ATP6V0A1: variants seen among roughly 807,000 people sequenced by gnomAD.
ATP6V0A1 encodes ATPase H+ transporting V0 subunit a1.
In ATP6V0A1, 43 loss-of-function variants were observed where a neutral mutation model predicts 105.4. The ratio of observed to expected loss-of-function variants is 0.41; its 90% CI spans 0.32 to 0.53. ATP6V0A1 has a LOEUF of 0.53. Ranked by LOEUF, ATP6V0A1 falls within the 20% of genes least tolerant of loss-of-function variation. The probability of loss-of-function intolerance (pLI) is 0.30; values close to 1 mark genes in which losing one functional copy is unlikely to be tolerated. For missense variants in ATP6V0A1, 676 were observed against 1,051.1 expected (o/e 0.64, Z 4.93); for synonymous variants, 362 against 372.8 (o/e 0.97, Z 0.33).
In ATP6V0A1 at chr17:42,521,149, T is replaced by C. The variant is rs369245405; in HGVS notation, c.*29T>C. The C allele has an allele frequency of 6.4e-7, 1 of 1,559,420 alleles. No individual in the cohort carries two copies. The highest frequency in any genetic ancestry group is 1.2e-5 in the South Asian group (1 of 85,820). ...CCTGTGAGGGCCGTGTGCCCCATGC[T>C]ACCCTCCCCGCCTCCCTCCACAGTG... is the stretch of plus-strand genomic sequence containing the variant. On this transcript the variant is annotated 3_prime_UTR_variant, in exon 22 of 22. Transcript: ENST00000343619. The surrounding 1 kb of genome is among the most constrained non-coding windows in gnomAD (Gnocchi z 4.8).
chr17:42,493,832 C>T (rs934457495), intron 11 of ATP6V0A1, among the ~76,000 whole-genome samples: 3 of 152,080 alleles, frequency 2.0e-5, no homozygotes, highest in Admixed American at 6.6e-5. Flanking sequence ...AAAAAGTTAT[C>T]AGTAGCTCAA....
chr17:42,497,939 A>G (rs1319845295), intron 14 of ATP6V0A1, among the ~76,000 whole-genome samples: 1 of 148,916 alleles, frequency 6.7e-6, no homozygotes, highest in Non-Finnish European at 1.5e-5. Context: ...CTCAAAAAAA[A>G]AAGAAAAAAA....
At chr17:42,490,770 C>A in intron 11 of ATP6V0A1, 133 bp downstream of exon 11, 1 of 939,078 alleles carries the variant, frequency 1.1e-6, no homozygotes, top group Non-Finnish European at 1.6e-6. Context: ...TTCACTGCAG[C>A]CTCAAACTCC....
Position 42,492,518 on chromosome 17 carries a change from C to A in ATP6V0A1, c.1175-1816C>A, listed in dbSNP as rs549370252. Among the ~76,000 whole-genome samples the A allele has an allele frequency of 2.0e-5, 3 of 150,976 alleles. No homozygotes were observed. In the East Asian group the frequency reaches 5.9e-4, roughly 29 times the overall value. ...GGTCAGGAGTTCGAGACCAGCCTGA[C>A]CAACATGGAGAAACCCCGTCTCTAC... On this transcript the variant is annotated intron_variant, in intron 11 of 21. Coordinates refer to ENST00000343619, the MANE Select transcript of ATP6V0A1 (RefSeq NM_001130021.3).
At chr17:42,520,351 C>T (rs2092789411) in intron 21 of ATP6V0A1, 1 of 442,838 alleles carries the variant, frequency 2.3e-6, no homozygotes, top group Non-Finnish European at 4.6e-6. Flanking sequence ...CTCCCACCCT[C>T]CCTGAGAGTG....
rs181328997 is a variant in ATP6V0A1, at chr17:42,507,514, G to C, written c.2005-6G>C. On this transcript the variant is annotated splice_polypyrimidine_tract_variant and splice_region_variant and intron_variant, in intron 17 of 21. Coordinates refer to ENST00000343619, the MANE Select transcript of ATP6V0A1 (RefSeq NM_001130021.3). Reference sequence around the variant, plus strand: ...CAAATTCTACTCTTTCTGTTCATCTGTGTAGGGAACTCTCAACTTTGGTGG... The same window carrying C: ...CAAATTCTACTCTTTCTGTTCATCTCTGTAGGGAACTCTCAACTTTGGTGG... 3 of 1,605,538 alleles carry C rather than the reference G, an allele frequency of 1.9e-6. No homozygotes were observed. In the Admixed American group the frequency reaches 5.0e-5, roughly 27 times the overall value.
chr17:42,494,727 G>A, intron 12 of ATP6V0A1: 1 of 491,912 alleles, frequency 2.0e-6, no homozygotes, highest in Non-Finnish European at 3.5e-6. Context: ...AGGCAACATA[G>A]TGAGACCCCA....
intron 19 of ATP6V0A1, 61 bp downstream of exon 19, chr17:42,508,650 G>A (rs2092173411): frequency 6.2e-7 from 1 of 1,607,784 alleles, no homozygotes; most frequent in Non-Finnish European, 8.5e-7. Flanking sequence ...CCATCCTTGT[G>A]ATCACTCTGC....
intron 12 of ATP6V0A1, 84 bp downstream of exon 12, chr17:42,494,557 T>C: frequency 2.1e-6 from 3 of 1,454,748 alleles, no homozygotes; most frequent in Admixed American, 4.3e-5. Flanking sequence ...CTGGAAGTCT[T>C]TTATCCATGA....
In ATP6V0A1 at chr17:42,507,905, T is replaced by C. The variant is rs1366024190; in HGVS notation, c.2112+278T>C. ...CACGCAGGTCTCCATTACTGACTGC[T>C]CTCTCACCTGAGGCAGAGCAGGCCT... On this transcript the variant is annotated intron_variant, in intron 18 of 21. Coordinates refer to ENST00000343619, the MANE Select transcript of ATP6V0A1 (RefSeq NM_001130021.3). Among the ~76,000 whole-genome samples, 5 of 152,246 alleles carry C rather than the reference T, an allele frequency of 3.3e-5. No homozygotes were observed. In the South Asian group the frequency reaches 6.2e-4, roughly 19 times the overall value.
At chr17:42,476,276 C>A (rs925961595) in intron 5 of ATP6V0A1, among the ~76,000 whole-genome samples, 3 of 152,154 alleles carry the variant, frequency 2.0e-5, no homozygotes, top group Non-Finnish European at 2.9e-5. Flanking sequence ...TGATTGCTTT[C>A]TATTTTTTAG....
At chr17:42,490,730 C>T in intron 11 of ATP6V0A1, 93 bp downstream of exon 11, 1 of 1,374,056 alleles carries the variant, frequency 7.3e-7, no homozygotes, top group South Asian at 1.4e-5. Flanking sequence ...CCTCTGTCAC[C>T]CAGGCTGGAG....
intron 9 of ATP6V0A1, among the ~76,000 whole-genome samples, chr17:42,486,155 GT>G (rs1320128032): frequency 1.3e-5 from 2 of 152,128 alleles, no homozygotes; most frequent in Admixed American, 1.3e-4. Context: ...GCTCATGCCT[GT>G]AATCCCAACA....
intron 8 of ATP6V0A1, 50 bp from the exon 9 acceptor site, chr17:42,482,988 G>T: frequency 7.8e-7 from 1 of 1,284,164 alleles, no homozygotes. Flanking sequence ...TACTTTCTGA[G>T]ATTATTTAAA....
At chr17:42,512,796 C>A (rs2092411535) in intron 19 of ATP6V0A1, among the ~76,000 whole-genome samples, 1 of 152,196 alleles carries the variant, frequency 6.6e-6, no homozygotes, top group Admixed American at 6.5e-5. Flanking sequence ...TTGAAAGGAA[C>A]TGCGGTGAAA....
At chr17:42,488,741 G>A (rs375717701) in intron 10 of ATP6V0A1, among the ~76,000 whole-genome samples, 9 of 150,878 alleles carry the variant, frequency 6.0e-5, no homozygotes, top group Middle Eastern at 3.2e-3. Flanking sequence ...GGGGCCAGGC[G>A]TGGTGACTCA....
chr17:42,466,751 G>A (rs2087122794), intron 3 of ATP6V0A1, among the ~76,000 whole-genome samples: 1 of 152,134 alleles, frequency 6.6e-6, no homozygotes, highest in Non-Finnish European at 1.5e-5. Context: ...GTTTTTTTGT[G>A]AGATTTTAAT....
chr17:42,472,950 AG>A (rs1260304080), intron 5 of ATP6V0A1, among the ~76,000 whole-genome samples: 1 of 152,128 alleles, frequency 6.6e-6, no homozygotes, highest in Non-Finnish European at 1.5e-5. Context: ...GGTGATCCGG[AG>A]GCATGCTAGT....
At chr17:42,483,775 T>C (rs2089807059) in intron 9 of ATP6V0A1, among the ~76,000 whole-genome samples, 1 of 152,110 alleles carries the variant, frequency 6.6e-6, no homozygotes, top group Non-Finnish European at 1.5e-5. Flanking sequence ...AGAGACAGGG[T>C]TTCACCATGT....
Sources: gnomAD v4.1 joint callset for allele counts (sites outside exome capture counted in the v4.1 genomes callset) on GRCh38, gnomAD v4.1.1 for gene constraint, Gnocchi (gnomAD v3.1) non-coding constraint, MANE v1.5 for transcripts, NCBI Gene and HGNC (gene_info 2026-07-23, HGNC 2026-07-21) for gene names.